Variants in NELL1 observed in about 807,000 individuals in gnomAD.
The protein encoded by NELL1 is protein kinase C-binding protein NELL1.
NELL1 carries 76 observed loss-of-function variants against 107.4 expected under a neutral mutation model. That is an observed-to-expected ratio of 0.71 (90% CI 0.59 to 0.86). NELL1 has a LOEUF of 0.86. Ranked by LOEUF, NELL1 falls within the 40% of genes least tolerant of loss-of-function variation. NELL1 has a pLI of 0.00. For synonymous variants in NELL1, 353 were observed against 341.2 expected (o/e 1.03, Z -0.38); for missense variants, 1,024 against 1,005.5 (o/e 1.02, Z -0.25).
rs114322918 is a variant in NELL1, at chr11:21,134,578, T to C, written c.1426+20864T>C. ...ATAATCACTTATTCCACAGCAAATA[T>C]TTTTTAATTTACTGTGCTTCAGATT... is the stretch of plus-strand genomic sequence containing the variant. On this transcript the variant is annotated intron_variant, in intron 13 of 19. Transcript: ENST00000357134. Among the ~76,000 whole-genome samples, 612 of 152,306 alleles carry C rather than the reference T, an allele frequency of 4.0e-3. 5 individuals are homozygous for C. The highest frequency in any genetic ancestry group is 0.014 in the African/African-American group (578 of 41,548).
At chr11:20,995,302 C>T (rs959334442) in intron 12 of NELL1, among the ~76,000 whole-genome samples, 2 of 152,098 alleles carry the variant, frequency 1.3e-5, no homozygotes, top group African/African-American at 2.4e-5. Flanking sequence ...CAGCTTCTGG[C>T]TGGGCGCGGT....
intron 12 of NELL1, among the ~76,000 whole-genome samples, chr11:21,105,597 C>A (rs1053071594): frequency 6.6e-6 from 1 of 152,110 alleles, no homozygotes; most frequent in Non-Finnish European, 1.5e-5. Context: ...AGCATTTGCC[C>A]GTGCAAGCTT....
At chr11:21,120,446 C>A (rs183692369) in intron 13 of NELL1, among the ~76,000 whole-genome samples, 1 of 152,208 alleles carries the variant, frequency 6.6e-6, no homozygotes, top group East Asian at 1.9e-4. Flanking sequence ...ACAGAACATT[C>A]CGCAACCTGA....
chr11:21,100,309 T>C (rs1854773508), intron 12 of NELL1, among the ~76,000 whole-genome samples: 1 of 152,214 alleles, frequency 6.6e-6, no homozygotes, highest in African/African-American at 2.4e-5. Flanking sequence ...TCATCCACCA[T>C]GCTCGGCCTC....
At chr11:21,211,903 A>G (rs1489388592) in intron 13 of NELL1, among the ~76,000 whole-genome samples, 2 of 151,896 alleles carry the variant, frequency 1.3e-5, no homozygotes, top group East Asian at 1.9e-4. Flanking sequence ...CCAGCTCACT[A>G]CAACCTCTGC....
intron 15 of NELL1, among the ~76,000 whole-genome samples, chr11:21,425,796 AGTTT>A (rs1162809439): frequency 1.3e-5 from 2 of 152,202 alleles, no homozygotes; most frequent in East Asian, 3.9e-4. Context: ...CGTTATTTAG[AGTTT>A]GTTTGTGATA....
Position 20,821,708 on chromosome 11 carries a change from A to G in NELL1, c.336-25875A>G, listed in dbSNP as rs1337477889. Among the ~76,000 whole-genome samples, 12 of 152,242 alleles carry G rather than the reference A, an allele frequency of 7.9e-5. No homozygotes were observed. In the East Asian group the frequency reaches 2.3e-3, roughly 29 times the overall value. ...TCAGCAGCTAGATCTTTAAAGTGAGATAATGTTCAAACACTTTAATTAAAT... is the reference window on the plus strand; with the variant it reads ...TCAGCAGCTAGATCTTTAAAGTGAGGTAATGTTCAAACACTTTAATTAAAT... On this transcript the variant is annotated intron_variant, in intron 3 of 19. Coordinates refer to ENST00000357134, the MANE Select transcript of NELL1 (RefSeq NM_006157.5).
At chr11:21,429,038 G>A (rs1050500013) in intron 15 of NELL1, among the ~76,000 whole-genome samples, 9 of 152,086 alleles carry the variant, frequency 5.9e-5, no homozygotes, top group African/African-American at 1.9e-4. Flanking sequence ...AACACTTGAG[G>A]CTTTAAATAA....
chr11:21,564,509 C>A (rs1393824881), intron 17 of NELL1, among the ~76,000 whole-genome samples: 12 of 151,866 alleles, frequency 7.9e-5, no homozygotes, highest in Admixed American at 7.2e-4. Flanking sequence ...TACATCTATA[C>A]CTACATGTAC....
chr11:20,998,880 C>T (rs1042173424), intron 12 of NELL1, among the ~76,000 whole-genome samples: 1 of 152,144 alleles, frequency 6.6e-6, no homozygotes, highest in African/African-American at 2.4e-5. Context: ...TGGAGCTCTT[C>T]CTTCTTTCTG....
chr11:20,847,615 A>G lies in NELL1; in HGVS notation c.368A>G (p.Asp123Gly), dbSNP rs763010935. The G allele has an allele frequency of 1.3e-5, 21 of 1,613,646 alleles. No individual in the cohort carries two copies. The Admixed American group carries it at 1.7e-4, about 13-fold the overall frequency. Residue 123 changes from aspartate (D) to glycine (G), a missense_variant, in exon 4 of 20, where the codon GAT (aspartate) becomes GGT (glycine). Transcript: ENST00000357134. ...YFELESSGLRDEIRYHYIHNG... is the reference protein window; with the variant it reads ...YFELESSGLRGEIRYHYIHNG... Reference sequence around the variant, plus strand: ...GAACTGGAGAGCAGTGGCCTGAGGGATGAGATTCGGTATCACTACATACAC... The same window carrying G: ...GAACTGGAGAGCAGTGGCCTGAGGGGTGAGATTCGGTATCACTACATACAC...
At chr11:21,574,386 A>G (rs755962167) in intron 19 of NELL1, among the ~76,000 whole-genome samples, 37 of 151,848 alleles carry the variant, frequency 2.4e-4, no homozygotes, top group Non-Finnish European at 3.4e-4. Context: ...TGACCAGGAC[A>G]CAGGGAGACC....
At chr11:20,670,081 A>C (rs1853859556) in intron 1 of NELL1, among the ~76,000 whole-genome samples, 1 of 151,958 alleles carries the variant, frequency 6.6e-6, no homozygotes, top group East Asian at 1.9e-4. Context: ...CGTCCCAGGG[A>C]GTCGAAACCC....
At chr11:21,538,051 C>T (rs1291135296) in intron 16 of NELL1, among the ~76,000 whole-genome samples, 21 of 152,024 alleles carry the variant, frequency 1.4e-4, no homozygotes, top group East Asian at 1.2e-3. Context: ...TCTGAATAAA[C>T]CCTAAATAAT....
At chr11:21,187,736 A>G (rs1451320485) in intron 13 of NELL1, among the ~76,000 whole-genome samples, 1 of 151,766 alleles carries the variant, frequency 6.6e-6, no homozygotes, top group African/African-American at 2.4e-5. Flanking sequence ...GAATCATAGA[A>G]TGTTCAAGAT....
intron 3 of NELL1, among the ~76,000 whole-genome samples, chr11:20,806,200 C>A (rs1016818782): frequency 6.6e-6 from 1 of 150,682 alleles, no homozygotes; most frequent in Non-Finnish European, 1.5e-5. Flanking sequence ...CTTATGAAGT[C>A]CCTCAGTGTT....
intron 4 of NELL1, among the ~76,000 whole-genome samples, chr11:20,881,214 G>C (rs1400125860): frequency 1.3e-5 from 2 of 152,212 alleles, no homozygotes; most frequent in Admixed American, 6.5e-5. Flanking sequence ...TAAAGAACCT[G>C]TCTGTGACAG....
At chr11:20,917,771 C>T (rs886348514) in intron 5 of NELL1, among the ~76,000 whole-genome samples, 21 of 151,878 alleles carry the variant, frequency 1.4e-4, no homozygotes, top group African/African-American at 4.6e-4. Context: ...TTATTTCCTT[C>T]GCTAAATGAA....
At chr11:21,536,172 T>C (rs1856132983) in intron 16 of NELL1, among the ~76,000 whole-genome samples, 2 of 152,132 alleles carry the variant, frequency 1.3e-5, no homozygotes, top group African/African-American at 4.8e-5. Context: ...AACTGCACAT[T>C]GCTGAGGCTT....
Sources: gnomAD v4.1 joint callset for allele counts (sites outside exome capture counted in the v4.1 genomes callset) on GRCh38, gnomAD v4.1.1 for gene constraint, MANE v1.5 for transcripts, NCBI Gene and HGNC (gene_info 2026-07-23, HGNC 2026-07-21) for gene names.